Variants in EPB41L3 observed in about 807,000 individuals in gnomAD.
EPB41L3 encodes band 4.1-like protein 3.
A neutral mutation model predicts 127.1 loss-of-function variants in EPB41L3; 57 were observed. The observed-to-expected ratio is 0.45, with a 90% confidence interval of 0.36 to 0.56. The LOEUF (loss-of-function observed/expected upper bound fraction) is 0.56, where lower values mean the gene tolerates loss of function less well. Among genes scored for constraint, EPB41L3 ranks in the 20% least tolerant of loss-of-function variants. EPB41L3 has a pLI of 0.00. For synonymous variants in EPB41L3, 572 were observed against 549.5 expected, an observed-to-expected ratio of 1.04 and a Z score of -0.57; for missense variants, 1,273 against 1,372.2, an observed-to-expected ratio of 0.93 and a Z score of 1.14.
rs914816369 is a variant in EPB41L3 at position 5,490,570 on chromosome 18, G to C, written c.-11-1376C>G. Among the ~76,000 whole-genome samples, 44 of 152,330 alleles carry C rather than the reference G, an allele frequency of 2.9e-4. 1 individual carries two copies. Among genetic ancestry groups the C allele is most frequent in the Middle Eastern group, 6.8e-3 (2 of 294 alleles). Reference sequence around the variant, plus strand: ...TAAAAGAGACATATCAATTTGGCATGTGCTTAGTTGCCCAAAGCATATATA... The same window carrying C: ...TAAAAGAGACATATCAATTTGGCATCTGCTTAGTTGCCCAAAGCATATATA... On this transcript the variant is annotated intron_variant, in intron 1 of 22. Coordinates refer to ENST00000341928, the MANE Select transcript of EPB41L3 (RefSeq NM_012307.5).
intron 4 of EPB41L3, 119 bp from the exon 5 acceptor site, chr18:5,443,999 C>T (rs917254104): frequency 1.5e-5 from 12 of 808,202 alleles, no homozygotes; most frequent in Non-Finnish European, 2.1e-5. Flanking sequence ...GAAGGCTTCC[C>T]TTACTGTGGT....
At position 5,475,046 on chromosome 18, in the gene EPB41L3, C is replaced by T. The variant is rs945307743; in HGVS notation, c.381+3195G>A. On this transcript the variant is annotated intron_variant, in intron 3 of 22. Coordinates refer to ENST00000341928, the MANE Select transcript of EPB41L3 (RefSeq NM_012307.5). ...GATAACCCTTCAGTCTCCACCTTTC[C>T]AATTAACTGAGAATAGCTTTCCTAT... is the stretch of plus-strand genomic sequence containing the variant. Among the ~76,000 whole-genome samples, 9 of 152,228 alleles carry T rather than the reference C, an allele frequency of 5.9e-5. 1 individual carries two copies. The highest frequency in any genetic ancestry group is 4.6e-4 in the Admixed American group (7 of 15,298).
At chr18:5,484,433 GGACTA>G (rs1204531768) in intron 2 of EPB41L3, among the ~76,000 whole-genome samples, 5 of 151,364 alleles carry the variant, frequency 3.3e-5, no homozygotes, top group African/African-American at 1.2e-4. Context: ...GCACCTCAAG[GGACTA>G]GAAAAGCAGG....
chr18:5,609,812 G>A (rs990841725), intron 3 of EPB41L3, among the ~76,000 whole-genome samples: 6 of 152,092 alleles, frequency 3.9e-5, no homozygotes, highest in African/African-American at 1.4e-4. Context: ...CAAGACATGT[G>A]GGATATCTTC....
intron 8 of EPB41L3, among the ~76,000 whole-genome samples, chr18:5,430,965 T>C (rs550560480): frequency 6.6e-6 from 1 of 152,274 alleles, no homozygotes; most frequent in South Asian, 2.1e-4. Flanking sequence ...CACTGGGGTG[T>C]ACCCAAATAG....
At chr18:5,577,255 A>G in intron 3 of EPB41L3, 1 of 380,140 alleles carries the variant, frequency 2.6e-6, no homozygotes, top group South Asian at 2.0e-5. Flanking sequence ...ATATGTATCC[A>G]ATGTAGAGTT....
chr18:5,561,561 T>C (rs1014188569), intron 3 of EPB41L3, among the ~76,000 whole-genome samples: 1 of 152,190 alleles, frequency 6.6e-6, no homozygotes, highest in African/African-American at 2.4e-5. Context: ...CTCTTCCTTA[T>C]AGACTAATTC....
At chr18:5,515,729 G>A (rs987839149) in intron 1 of EPB41L3, among the ~76,000 whole-genome samples, 6 of 152,136 alleles carry the variant, frequency 3.9e-5, no homozygotes, top group Non-Finnish European at 8.8e-5. Context: ...AAAATAAGAG[G>A]AAGCAGCAAG....
intron 1 of EPB41L3, among the ~76,000 whole-genome samples, chr18:5,518,812 T>A (rs2092862179): frequency 6.6e-6 from 1 of 152,142 alleles, no homozygotes; most frequent in Admixed American, 6.5e-5. Flanking sequence ...TCTCGCTGCT[T>A]AAGAATGGGA....
At chr18:5,527,318 C>T (rs73383738) in intron 1 of EPB41L3, among the ~76,000 whole-genome samples, 4,205 of 152,208 alleles carry the variant, frequency 0.028, 111 homozygotes, top group African/African-American at 0.069. Flanking sequence ...CTTCTCATCA[C>T]GGAGTCTCAC....
intron 3 of EPB41L3, among the ~76,000 whole-genome samples, chr18:5,446,260 G>A (rs1258247597): frequency 6.6e-6 from 1 of 151,938 alleles, no homozygotes; most frequent in Non-Finnish European, 1.5e-5. Flanking sequence ...AAGAATACTT[G>A]AGTTATCATA....
At chr18:5,524,648 T>A (rs539464966) in intron 1 of EPB41L3, among the ~76,000 whole-genome samples, 5 of 152,288 alleles carry the variant, frequency 3.3e-5, no homozygotes, top group Admixed American at 6.5e-5. Flanking sequence ...CGTAATTCAA[T>A]CTCTCTTCTT....
intron 1 of EPB41L3, among the ~76,000 whole-genome samples, chr18:5,499,829 G>GTATATATATATATATATATATATATATA (rs35194563): frequency 4.0e-5 from 5 of 124,542 alleles, no homozygotes; most frequent in South Asian, 2.5e-4. Flanking sequence ...CTATGTGTGT[G>GTATATATATATATATATATATATATATA]TATATATATA....
intron 3 of EPB41L3, among the ~76,000 whole-genome samples, chr18:5,603,459 G>A (rs938844390): frequency 8.5e-5 from 13 of 152,154 alleles, no homozygotes; most frequent in African/African-American, 1.4e-4. Flanking sequence ...AAGTCTTGAC[G>A]GTCATTGTAC....
At chr18:5,436,317 C>T (rs1348603224) in intron 6 of EPB41L3, among the ~76,000 whole-genome samples, 1 of 147,332 alleles carries the variant, frequency 6.8e-6, no homozygotes, top group Non-Finnish European at 1.5e-5. Flanking sequence ...GTAATTATGA[C>T]AAAAAAATCC....
chr18:5,421,726 C>T (rs943467204), intron 11 of EPB41L3, among the ~76,000 whole-genome samples: 7 of 152,132 alleles, frequency 4.6e-5, no homozygotes, highest in African/African-American at 1.4e-4. Context: ...GAATGAAAAG[C>T]CAAATACCAT....
intron 3 of EPB41L3, among the ~76,000 whole-genome samples, chr18:5,563,918 C>T (rs923429402): frequency 2.0e-5 from 3 of 152,134 alleles, no homozygotes; most frequent in Admixed American, 6.5e-5. Context: ...TAAGACTCAT[C>T]CCAAAGCAGT....
At chr18:5,541,337 T>G (rs2093725184) in intron 1 of EPB41L3, among the ~76,000 whole-genome samples, 1 of 151,074 alleles carries the variant, frequency 6.6e-6, no homozygotes, top group Non-Finnish European at 1.5e-5. Flanking sequence ...TATTCTTCAG[T>G]CTACTCTTGG....
chr18:5,586,436 G>A (rs2094442781), intron 3 of EPB41L3, among the ~76,000 whole-genome samples: 1 of 144,194 alleles, frequency 6.9e-6, no homozygotes, highest in Non-Finnish European at 1.5e-5. Context: ...GTCTTGCTCT[G>A]TCATGCAGGT....
Sources: allele counts gnomAD v4.1 joint callset (sites outside exome capture counted in the v4.1 genomes callset), GRCh38; gene constraint gnomAD v4.1.1; transcripts MANE v1.5; gene names NCBI Gene and HGNC (gene_info 2026-07-23, HGNC 2026-07-21).